DNAJC21: variants seen among roughly 807,000 people sequenced by gnomAD.
The protein encoded by DNAJC21 is DnaJ heat shock protein family (Hsp40) member C21.
A neutral mutation model predicts 72.4 loss-of-function variants in DNAJC21; 63 were observed. That is an observed-to-expected ratio of 0.87 (90% CI 0.71 to 1.07). The LOEUF (loss-of-function observed/expected upper bound fraction) is 1.07, where lower values mean the gene tolerates loss of function less well. DNAJC21 is among the 50% of genes least tolerant of loss of function. The pLI, the probability that DNAJC21 is intolerant of heterozygous loss-of-function variation, is 0.00. For synonymous variants in DNAJC21, 203 were observed against 216.7 expected (o/e 0.94, Z 0.56); for missense variants, 634 against 644.8 (o/e 0.98, Z 0.18).
chr5:34,941,075 C>T, intron 6 of DNAJC21, 21 bp from the exon 7 acceptor site: 1 of 1,604,788 alleles, frequency 6.2e-7, no homozygotes, highest in African/African-American at 1.3e-5. Context: ...AGGGTTCTTA[C>T]TGTAGGCTTC....
chr5:34,954,442 A>T (rs1765472463), intron 11 of DNAJC21, 111 bp from the exon 12 acceptor site: 1 of 1,339,300 alleles, frequency 7.5e-7, no homozygotes, highest in Non-Finnish European at 1.0e-6. Context: ...CCACTCTGTT[A>T]AAACATCTTT....
intron 5 of DNAJC21, 121 bp from the exon 6 acceptor site, chr5:34,938,737 T>G: frequency 1.8e-6 from 2 of 1,103,852 alleles, no homozygotes; most frequent in Non-Finnish European, 2.4e-6. Context: ...GGTTTTAAGT[T>G]TGTAAGCGTG....
Position 34,939,145 on chromosome 5 carries a change from G to C in DNAJC21, c.895+136G>C, listed in dbSNP as rs572561562. ...ATGTTGTATGGGCCAAAGGTAGTCG[G>C]CTGAGCTAGTCTAATTCAAGTAATT... On this transcript the variant is annotated intron_variant, in intron 6 of 11. Transcript: ENST00000648817. 61 of 774,030 alleles carry C rather than the reference G, an allele frequency of 7.9e-5. No homozygotes were observed. The African/African-American group carries it at 9.3e-4, about 12-fold the overall frequency. 47.9% of individuals were successfully genotyped at this position (774,030 alleles called of 1,614,324 possible). A position where few individuals can be genotyped will look rare whatever the true frequency, so the allele number is the denominator to read the frequency against.
chr5:34,938,357 G>A (rs1404432444), intron 5 of DNAJC21, among the ~76,000 whole-genome samples: 1 of 152,182 alleles, frequency 6.6e-6, no homozygotes, highest in African/African-American at 2.4e-5. Flanking sequence ...TTGAACCTGA[G>A]AATTCTGACT....
chr5:34,943,195 C>T (rs1258436191), intron 7 of DNAJC21, among the ~76,000 whole-genome samples: 6 of 150,382 alleles, frequency 4.0e-5, no homozygotes, highest in Non-Finnish European at 7.3e-5. Flanking sequence ...TTTTGCCAAT[C>T]AATTATTTAT....
intron 10 of DNAJC21, chr5:34,952,006 C>T: frequency 1.0e-6 from 1 of 985,442 alleles, no homozygotes; most frequent in Non-Finnish European, 1.2e-6. Context: ...ACCCAGCACC[C>T]TCCCCACACC....
chr5:34,949,001 G>T (rs573167893), intron 9 of DNAJC21, among the ~76,000 whole-genome samples: 1 of 152,144 alleles, frequency 6.6e-6, no homozygotes. Flanking sequence ...AATGTTTCAG[G>T]CAAGAATCAT....
chr5:34,938,794 A>G (rs1318217527), intron 5 of DNAJC21, 64 bp from the exon 6 acceptor site: 6 of 1,459,636 alleles, frequency 4.1e-6, no homozygotes, highest in South Asian at 1.6e-5. Flanking sequence ...TTTAAACCTA[A>G]GTAGTAAGTG....
chr5:34,955,144 CAT>C lies in DNAJC21; in HGVS notation c.*432_*433del, dbSNP rs1241830311. 2 of 152,682 alleles carry C rather than the reference CAT, an allele frequency of 1.3e-5. No individual in the cohort carries two copies. The highest frequency in any genetic ancestry group is 4.8e-5 in the African/African-American group (2 of 41,448). 9.5% of individuals were successfully genotyped at this position (152,682 alleles called of 1,614,324 possible). ...AAAACTCGGATCTTTTAAAAAGCAT[CAT>C]AGATCATTTTTCCATATGACACTGG... On this transcript the variant is annotated 3_prime_UTR_variant, in exon 12 of 12. Transcript: ENST00000648817.
intron 6 of DNAJC21, among the ~76,000 whole-genome samples, chr5:34,940,538 A>G (rs1001806083): frequency 2.6e-5 from 4 of 152,184 alleles, no homozygotes; most frequent in Non-Finnish European, 5.9e-5. Flanking sequence ...TGAGCTTTTT[A>G]GTCAGTTGGT....
At chr5:34,951,436 G>C (rs1354084295) in intron 10 of DNAJC21, 2 of 985,368 alleles carry the variant, frequency 2.0e-6, no homozygotes, top group East Asian at 1.1e-4. Flanking sequence ...TGTGTGTCCT[G>C]TGGGATGGGC....
chr5:34,950,367 G>A, intron 10 of DNAJC21, 25 bp downstream of exon 10: 4 of 1,598,596 alleles, frequency 2.5e-6, no homozygotes, highest in Non-Finnish European at 3.4e-6. Context: ...CATATTATTT[G>A]TAAATTACTG....
rs749299159 is a variant in DNAJC21, at chr5:34,944,949, T to G, written c.1066T>G (p.Phe356Val). Residue 356 changes from phenylalanine (F) to valine (V), a missense_variant, in exon 8 of 12, where the codon TTT becomes GTT. Phe to Val is a conservative substitution (Grantham distance 50). Coordinates refer to ENST00000648817, the MANE Select transcript of DNAJC21 (RefSeq NM_001012339.3). Reference sequence around the variant, plus strand: ...ACAGCTGGAGGAGGAAGAAGAAAATTTTTCAAGACCTCAAATTGATGAAAA... The same window carrying G: ...ACAGCTGGAGGAGGAAGAAGAAAATGTTTCAAGACCTCAAATTGATGAAAA... ...KQQLEEEEENFSRPQIDENPL... is the reference protein window; with the variant it reads ...KQQLEEEEENVSRPQIDENPL... 3 of 1,614,018 alleles carry G rather than the reference T, an allele frequency of 1.9e-6. No individual in the cohort carries two copies. The highest frequency in any genetic ancestry group is 1.7e-5 in the Admixed American group (1 of 59,998).
chr5:34,945,710 T>A (rs780039713), intron 8 of DNAJC21, 51 bp from the exon 9 acceptor site: 1 of 1,485,240 alleles, frequency 6.7e-7, no homozygotes, highest in South Asian at 1.4e-5. Context: ...TTTTTCCACT[T>A]ACTCTTCACA....
chr5:34,955,351 C>T lies in DNAJC21; in HGVS notation c.*637C>T, dbSNP rs1765503194. 6.6e-6 allele frequency: 1 copy of T among 151,494 alleles called. No individual in the cohort carries two copies. The highest frequency in any genetic ancestry group is 1.5e-5 in the Non-Finnish European group (1 of 67,990). 9.4% of individuals were successfully genotyped at this position (151,494 alleles called of 1,614,324 possible). A position where few individuals can be genotyped will look rare whatever the true frequency, so the allele number is the denominator to read the frequency against. On this transcript the variant is annotated 3_prime_UTR_variant, in exon 12 of 12. Coordinates refer to ENST00000648817, the MANE Select transcript of DNAJC21 (RefSeq NM_001012339.3). Reference sequence around the variant, plus strand: ...TGGTTTACCAGTAAGGTGTATTGTTCAGTTTTTTGCTCCGATTTGAATTGT... The same window carrying T: ...TGGTTTACCAGTAAGGTGTATTGTTTAGTTTTTTGCTCCGATTTGAATTGT...
rs1240547342 is a variant in DNAJC21 at position 34,929,893 on chromosome 5, A to C, written c.74A>C (p.Lys25Thr). The C allele has an allele frequency of 1.3e-6, 2 of 1,583,460 alleles. No homozygotes were observed. The highest frequency in any genetic ancestry group is 3.5e-5 in the Admixed American group (2 of 57,504). The change falls in exon 1 of 12, where the codon AAG becomes ACG. Residue 25 changes from lysine (K) to threonine (T), a missense_variant. By Grantham distance (78) the Lys-to-Thr change is moderately conservative. Coordinates refer to ENST00000648817, the MANE Select transcript of DNAJC21 (RefSeq NM_001012339.3). ...SEEELKKAYR[K>T]LALKWHPDKN... is the part of the protein sequence containing the mutation. ...GAGGAGCTCAAGAAGGCCTATCGGA[A>C]GCTGGCCCTGAAATGGCACCCGGGT...
chr5:34,936,411 TG>T, intron 4 of DNAJC21, 145 bp downstream of exon 4: 1 of 981,222 alleles, frequency 1.0e-6, no homozygotes, highest in Middle Eastern at 2.9e-4. Context: ...CTCAAACTCC[TG>T]GGCTTAAGCA....
intron 8 of DNAJC21, 92 bp downstream of exon 8, chr5:34,945,117 G>T: frequency 6.8e-7 from 1 of 1,478,964 alleles, no homozygotes; most frequent in Non-Finnish European, 9.2e-7. Flanking sequence ...TCACTCTGTT[G>T]CCCAGGCTGG....
intron 10 of DNAJC21, chr5:34,951,193 T>C (rs1021818393): frequency 1.0e-5 from 10 of 985,376 alleles, no homozygotes; most frequent in Non-Finnish European, 1.2e-5. Context: ...TATAAAGAAC[T>C]ACACAAACTG....
Sources: gnomAD v4.1 joint callset for allele counts (sites outside exome capture counted in the v4.1 genomes callset) on GRCh38, gnomAD v4.1.1 for gene constraint, MANE v1.5 for transcripts, NCBI Gene and HGNC (gene_info 2026-07-23, HGNC 2026-07-21) for gene names.